Variants in COL14A1 observed in about 807,000 individuals in gnomAD.
COL14A1 encodes the protein collagen alpha-1(XIV) chain.
A neutral mutation model predicts 230.3 loss-of-function variants in COL14A1; 136 were observed. The ratio of observed to expected loss-of-function variants is 0.59; its 90% CI spans 0.51 to 0.68. The LOEUF (loss-of-function observed/expected upper bound fraction) is 0.68, where lower values mean the gene tolerates loss of function less well. Among genes scored for constraint, COL14A1 ranks in the 30% least tolerant of loss-of-function variants. The probability of loss-of-function intolerance (pLI) is 0.00; values close to 1 mark genes in which losing one functional copy is unlikely to be tolerated. For synonymous variants in COL14A1, 792 were observed against 784.1 expected (o/e 1.01, Z -0.17); for missense variants, 1,976 against 2,215.8 (o/e 0.89, Z 2.17).
chr8:120,244,368 A>T (rs1818701615), intron 20 of COL14A1, among the ~76,000 whole-genome samples: 1 of 151,700 alleles, frequency 6.6e-6, no homozygotes, highest in African/African-American at 2.4e-5. Context: ...TCTCTCTTTT[A>T]TTTTCATTTT....
chr8:120,291,685 A>T (rs978249306), intron 34 of COL14A1, among the ~76,000 whole-genome samples: 1 of 152,110 alleles, frequency 6.6e-6, no homozygotes, highest in African/African-American at 2.4e-5. Flanking sequence ...GAAATAACGA[A>T]TATAAAATTC....
intron 44 of COL14A1, among the ~76,000 whole-genome samples, chr8:120,344,554 C>T (rs558552932): frequency 1.3e-5 from 2 of 152,330 alleles, no homozygotes; most frequent in African/African-American, 2.4e-5. Context: ...TCATCAGGAG[C>T]GGATCCCTAC....
At chr8:120,355,404 CT>C (rs144319877) in intron 45 of COL14A1, among the ~76,000 whole-genome samples, 8,491 of 144,194 alleles carry the variant, frequency 0.059, 354 homozygotes, top group African/African-American at 0.13. Flanking sequence ...TAATTTCAGT[CT>C]TTTTTTTTTT....
chr8:120,305,066 C>A (rs1363360432), intron 36 of COL14A1, among the ~76,000 whole-genome samples: 2 of 151,856 alleles, frequency 1.3e-5, no homozygotes, highest in Non-Finnish European at 2.9e-5. Flanking sequence ...ACAACCTCTG[C>A]CTCCCAGGTT....
chr8:120,204,303 G>GT (rs1038954232), intron 9 of COL14A1, among the ~76,000 whole-genome samples: 3 of 152,060 alleles, frequency 2.0e-5, no homozygotes, highest in African/African-American at 7.2e-5. Flanking sequence ...GATCACTCCT[G>GT]TTCCCTTTTA....
At chr8:120,347,445 G>A (rs2130297192) in intron 45 of COL14A1, among the ~76,000 whole-genome samples, 1 of 152,278 alleles carries the variant, frequency 6.6e-6, no homozygotes, top group East Asian at 1.9e-4. Context: ...CTTGAAGGGT[G>A]TGATTTTGCG....
At chr8:120,324,505 T>C (rs1821588651) in intron 40 of COL14A1, among the ~76,000 whole-genome samples, 1 of 152,180 alleles carries the variant, frequency 6.6e-6, no homozygotes, top group South Asian at 2.1e-4. Flanking sequence ...AGCAGCCTTT[T>C]TTCTTATGGC....
rs1422255448 is a variant in COL14A1, at chr8:120,168,174, A to G, written c.363A>G (p.Glu121=). The G allele has an allele frequency of 1.2e-6, 2 of 1,611,066 alleles. No individual in the cohort carries two copies. The highest frequency in any genetic ancestry group is 8.5e-7 in the Non-Finnish European group (1 of 1,178,170). Residue 121 remains glutamate, a synonymous_variant, in exon 5 of 48, where the codon GAA becomes GAG. Transcript: ENST00000297848. ...CTTTTCTTCCAGTTAAAGATTTAGAAAAAAGAAAGGATCCAAAGCCCAGAG... is the reference window on the plus strand; with the variant it reads ...CTTTTCTTCCAGTTAAAGATTTAGAGAAAAGAAAGGATCCAAAGCCCAGAG... ...AQGQFRIKDL[E]KRKDPKPRVK...
chr8:120,249,937 A>G (rs931431533), intron 21 of COL14A1, among the ~76,000 whole-genome samples: 1 of 152,236 alleles, frequency 6.6e-6, no homozygotes, highest in African/African-American at 2.4e-5. Flanking sequence ...TCACTAACTC[A>G]AAGCTCTTAA....
intron 36 of COL14A1, among the ~76,000 whole-genome samples, chr8:120,308,091 C>T (rs547102928): frequency 6.6e-6 from 1 of 152,332 alleles, no homozygotes; most frequent in Non-Finnish European, 1.5e-5. Context: ...AAGCGATTCT[C>T]CTGCCTCAAC....
chr8:120,170,212 G>A (rs1270111005), intron 5 of COL14A1, among the ~76,000 whole-genome samples: 1 of 151,438 alleles, frequency 6.6e-6, no homozygotes, highest in Non-Finnish European at 1.5e-5. Flanking sequence ...TTACTTCATT[G>A]TATTTTCTTT....
rs551728029 is a variant in COL14A1 at position 120,135,303 on chromosome 8, G to C, written c.-38+9963G>C. 4.0e-5 allele frequency among the ~76,000 whole-genome samples: 6 copies of C among 151,656 alleles called. No homozygotes were observed. In the South Asian group the frequency reaches 1.3e-3, roughly 32 times the overall value. ...TTTTGAGACAGTGTCTCCCTCTGTT[G>C]TCCAGGCTGGAGTGCAGTGGCACAA... On this transcript the variant is annotated intron_variant, in intron 1 of 47. Coordinates refer to ENST00000297848, the MANE Select transcript of COL14A1 (RefSeq NM_021110.4).
chr8:120,152,434 C>T (rs1815318121), intron 2 of COL14A1, among the ~76,000 whole-genome samples: 5 of 128,616 alleles, frequency 3.9e-5, no homozygotes, highest in Non-Finnish European at 7.8e-5. Context: ...CGCACCACTG[C>T]ACTCCAGCTT....
intron 33 of COL14A1, among the ~76,000 whole-genome samples, chr8:120,287,870 A>G (rs1820252317): frequency 6.6e-6 from 1 of 152,020 alleles, no homozygotes; most frequent in Non-Finnish European, 1.5e-5. Context: ...TTAATTTCTC[A>G]TTGATTTTCA....
chr8:120,283,893 G>A lies in COL14A1; in HGVS notation c.3967+115G>A, dbSNP rs146108227. 4.8e-4 allele frequency: 346 copies of A among 722,250 alleles called. 2 individuals are homozygous for A. In the African/African-American group the frequency reaches 5.9e-3, roughly 12 times the overall value. The allele number at this position is 722,250 out of a possible 1,614,324, so 44.7% of individuals were successfully genotyped here. A position where few individuals can be genotyped will look rare whatever the true frequency, so the allele number is the denominator to read the frequency against. Reference sequence around the variant, plus strand: ...GTAACTCACTAATCTTATGTGATGTGTAAATACTAAACAATGAATTATATA... The same window carrying A: ...GTAACTCACTAATCTTATGTGATGTATAAATACTAAACAATGAATTATATA... On this transcript the variant is annotated intron_variant, in intron 32 of 47. Transcript: ENST00000297848.
Position 120,210,552 on chromosome 8 carries a change from A to C in COL14A1, c.1467+651A>C, listed in dbSNP as rs28531827. Among the ~76,000 whole-genome samples, 109 of 152,250 alleles carry C rather than the reference A, an allele frequency of 7.2e-4. 1 individual carries two copies. The highest frequency in any genetic ancestry group is 2.5e-3 in the African/African-American group (104 of 41,552). On this transcript the variant is annotated intron_variant, in intron 12 of 47. Coordinates refer to ENST00000297848, the MANE Select transcript of COL14A1 (RefSeq NM_021110.4). Reference sequence around the variant, plus strand: ...CATACCTCATTGGTGCAAAATTTTGAATTTATTCCATTTTAAATGATGAAC... The same window carrying C: ...CATACCTCATTGGTGCAAAATTTTGCATTTATTCCATTTTAAATGATGAAC...
chr8:120,194,870 C>T (rs570264466), intron 5 of COL14A1, among the ~76,000 whole-genome samples: 1 of 152,170 alleles, frequency 6.6e-6, no homozygotes, highest in Admixed American at 6.5e-5. Flanking sequence ...TGGTTATGTC[C>T]AAAAAACAAA....
At chr8:120,332,775 T>A (rs1318993789) in intron 42 of COL14A1, 40 bp downstream of exon 42, 6 of 1,510,336 alleles carry the variant, frequency 4.0e-6, no homozygotes, top group Non-Finnish European at 4.6e-6. Context: ...GTAGGCCCAG[T>A]CATCACGTTT....
At chr8:120,312,142 G>A (rs1201384790) in intron 37 of COL14A1, among the ~76,000 whole-genome samples, 3 of 151,852 alleles carry the variant, frequency 2.0e-5, no homozygotes. Context: ...ATATTAAAAT[G>A]ATTTATTATT....
Sources: gnomAD v4.1 joint callset for allele counts (sites outside exome capture counted in the v4.1 genomes callset) on GRCh38, gnomAD v4.1.1 for gene constraint, MANE v1.5 for transcripts, NCBI Gene and HGNC (gene_info 2026-07-23, HGNC 2026-07-21) for gene names.